Variants in YBEY observed in about 807,000 individuals in gnomAD.
YBEY encodes the protein ybeY metalloendoribonuclease.
Under a neutral mutation model 13.5 loss-of-function variants are expected in YBEY, and 15 were observed. The observed-to-expected ratio is 1.11, with a 90% CI of 0.75 to 1.72. The LOEUF (loss-of-function observed/expected upper bound fraction) is 1.72. Among genes scored for constraint, YBEY ranks in the 40% most tolerant of loss-of-function variants. YBEY has a pLI of 0.00. For missense variants in YBEY, 244 were observed against 208.4 expected (o/e 1.17, Z -1.05); for synonymous variants, 101 against 83.1 (o/e 1.21, Z -1.17).
intron 3 of YBEY, among the ~76,000 whole-genome samples, chr21:46,294,955 C>G (rs915804390): frequency 2.6e-5 from 4 of 152,156 alleles, no homozygotes; most frequent in African/African-American, 9.7e-5. Flanking sequence ...AACCTGGGCC[C>G]CAACTGCTCC....
At chr21:46,306,516 A>C in the YBEY span, among the ~76,000 whole-genome samples, 1 of 152,196 alleles carries the variant, frequency 6.6e-6, no homozygotes, top group Non-Finnish European at 1.5e-5. Flanking sequence ...AAAATCTTTT[A>C]TGAATTCCTT....
chr21:46,301,600 A>C (rs984488071), downstream of YBEY: 9 of 1,009,904 alleles, frequency 8.9e-6, no homozygotes, highest in African/African-American at 1.4e-4. Context: ...AGATTTTCTT[A>C]AACTCTTTCT....
At chr21:46,295,923 C>G (rs890515666) in intron 3 of YBEY, among the ~76,000 whole-genome samples, 1 of 152,092 alleles carries the variant, frequency 6.6e-6, no homozygotes, top group East Asian at 1.9e-4. Flanking sequence ...CTCCCCAGCA[C>G]AGTGCTGGCC....
downstream of YBEY, chr21:46,300,920 A>G: frequency 9.4e-6 from 8 of 851,204 alleles, no homozygotes; most frequent in Non-Finnish European, 1.3e-5. Flanking sequence ...GAAATAGTCA[A>G]GGTAGCCTGT....
intron 3 of YBEY, 43 bp downstream of exon 3, chr21:46,291,505 A>T (rs753740686): frequency 6.2e-7 from 1 of 1,608,502 alleles, no homozygotes; most frequent in Non-Finnish European, 8.5e-7. Context: ...CTCATGGAAC[A>T]TGGGCCTTGC....
downstream of YBEY, chr21:46,302,083 G>C (rs912693049): frequency 1.3e-6 from 2 of 1,535,168 alleles, no homozygotes; most frequent in Admixed American, 2.0e-5. Flanking sequence ...GGTGGTGGTG[G>C]TGGTGGTGGT....
intron 3 of YBEY, chr21:46,291,737 G>T: frequency 8.5e-7 from 1 of 1,178,300 alleles, no homozygotes; most frequent in Non-Finnish European, 1.1e-6. Flanking sequence ...AGACTATGTT[G>T]AGCTAACACA....
At chr21:46,296,951 G>A (rs943140197) in intron 4 of YBEY, among the ~76,000 whole-genome samples, 1 of 147,918 alleles carries the variant, frequency 6.8e-6, no homozygotes. Flanking sequence ...CCGAGAGATC[G>A]CGTCATTGCA....
At chr21:46,307,249 C>T in the YBEY span, among the ~76,000 whole-genome samples, 6 of 152,060 alleles carry the variant, frequency 3.9e-5, no homozygotes, top group Non-Finnish European at 7.4e-5. Flanking sequence ...TAGGCTCAAG[C>T]GATCTTCCTG....
At chr21:46,307,140 G>C in the YBEY span, among the ~76,000 whole-genome samples, 1 of 148,838 alleles carries the variant, frequency 6.7e-6, no homozygotes, top group African/African-American at 2.5e-5. Context: ...AGGTGATCCA[G>C]CCTCTTTAGC....
chr21:46,297,752 C>T (rs1031096844), downstream of YBEY: 41 of 1,244,632 alleles, frequency 3.3e-5, no homozygotes, highest in South Asian at 3.1e-4. Flanking sequence ...ATTTCCTTCA[C>T]GTTGCATCGG....
rs1476359877 is a variant in YBEY at position 46,297,682 on chromosome 21, G to C, written c.*48G>C. ...GGGACGCGGGAGGGGTGGAGGCTGCGGGGAGCCGGGGTCGCACACGAATAA... is the reference window on the plus strand; with the variant it reads ...GGGACGCGGGAGGGGTGGAGGCTGCCGGGAGCCGGGGTCGCACACGAATAA... On this transcript the variant is annotated 3_prime_UTR_variant, in exon 5 of 5. Coordinates refer to ENST00000397701, the MANE Select transcript of YBEY (RefSeq NM_001314025.2). 1.6e-6 allele frequency: 2 copies of C among 1,273,490 alleles called. No homozygotes were observed. The highest frequency in any genetic ancestry group is 2.9e-5 in the South Asian group (1 of 34,352). 78.9% of individuals were successfully genotyped at this position (1,273,490 alleles called of 1,614,324 possible).
chr21:46,311,375 G>T, the YBEY span: 1 of 726,580 alleles, frequency 1.4e-6, no homozygotes, highest in Non-Finnish European at 2.2e-6. Context: ...GGCCCTAAGT[G>T]ACTGTCCTGC....
chr21:46,287,717 G>C (rs1002271039), intron 2 of YBEY, among the ~76,000 whole-genome samples: 1 of 152,142 alleles, frequency 6.6e-6, no homozygotes, highest in African/African-American at 2.4e-5. Flanking sequence ...ACAGCCGAGC[G>C]CGATGGCTCA....
chr21:46,303,504 G>GA, the YBEY span, among the ~76,000 whole-genome samples: 1 of 151,094 alleles, frequency 6.6e-6, no homozygotes, highest in Non-Finnish European at 1.5e-5. Context: ...CAGGCAACCT[G>GA]AAAGAAAAAT....
chr21:46,308,042 G>T, the YBEY span, among the ~76,000 whole-genome samples: 1 of 151,950 alleles, frequency 6.6e-6, no homozygotes, highest in East Asian at 2.0e-4. Flanking sequence ...CACCCAGGCT[G>T]GAGTACAAAG....
downstream of YBEY, chr21:46,301,382 A>G (rs547425355): frequency 7.1e-6 from 5 of 703,688 alleles, no homozygotes; most frequent in East Asian, 6.7e-4. Flanking sequence ...CCTGAGCTCA[A>G]GTGATCCTCC....
At chr21:46,298,185 G>A (rs1365256095), downstream of YBEY, among the ~76,000 whole-genome samples, 4 of 152,130 alleles carry the variant, frequency 2.6e-5, no homozygotes, top group Non-Finnish European at 5.9e-5. Flanking sequence ...TAAAGCCTGG[G>A]GCTACTACAA....
the YBEY span, among the ~76,000 whole-genome samples, chr21:46,310,026 T>C: frequency 5.3e-5 from 8 of 151,870 alleles, no homozygotes; most frequent in African/African-American, 1.9e-4. Flanking sequence ...TAAAATAATC[T>C]AGAAAATTCA....
Sources: gnomAD v4.1 joint callset for allele counts (sites outside exome capture counted in the v4.1 genomes callset) on GRCh38, gnomAD v4.1.1 for gene constraint, MANE v1.5 for transcripts, NCBI Gene and HGNC (gene_info 2026-07-23, HGNC 2026-07-21) for gene names.